Variants in MACROD2 observed in about 807,000 individuals in gnomAD.
The protein encoded by MACROD2 is ADP-ribose glycohydrolase MACROD2.
A neutral mutation model predicts 70.4 loss-of-function variants in MACROD2; 36 were observed. The ratio of observed to expected loss-of-function variants is 0.51; its 90% CI spans 0.39 to 0.68. MACROD2 has a LOEUF of 0.68. Among genes scored for constraint, MACROD2 ranks in the 30% least tolerant of loss-of-function variants. MACROD2 has a pLI of 0.00. For missense variants in MACROD2, 496 were observed against 538.4 expected, an observed-to-expected ratio of 0.92 and a Z score of 0.78; for synonymous variants, 172 against 178.8, an observed-to-expected ratio of 0.96 and a Z score of 0.30.
chr20:15,772,707 G>A (rs1412720334), intron 8 of MACROD2, among the ~76,000 whole-genome samples: 1 of 152,076 alleles, frequency 6.6e-6, no homozygotes, highest in African/African-American at 2.4e-5. Flanking sequence ...TGGCAAGAGA[G>A]AGAAGAAAGA....
At chr20:15,522,495 T>A (rs377579952) in intron 8 of MACROD2, among the ~76,000 whole-genome samples, 3 of 152,232 alleles carry the variant, frequency 2.0e-5, no homozygotes, top group African/African-American at 4.8e-5. Flanking sequence ...TGTGTGTATA[T>A]ACAAACAATA....
At position 16,046,221 on chromosome 20, in the gene MACROD2, T is replaced by C. The variant is rs2067379088; in HGVS notation, c.1300+1582T>C. On this transcript the variant is annotated intron_variant, in intron 17 of 17. Transcript: ENST00000684519. The stretch of plus-strand genomic sequence containing the variant: ...AAAGAGTACATGTCTTATTCCTGTA[T>C]GGTCTTGAATATCCTATAAAACTAA... Among the ~76,000 whole-genome samples, 3 of 152,322 alleles carry C rather than the reference T, an allele frequency of 2.0e-5. No individual in the cohort carries two copies. The South Asian group carries it at 6.2e-4, about 32-fold the overall frequency.
intron 4 of MACROD2, among the ~76,000 whole-genome samples, chr20:14,613,132 A>G (rs1983272242): frequency 2.6e-5 from 4 of 152,110 alleles, no homozygotes; most frequent in Admixed American, 1.3e-4. Context: ...AAACAGGGGT[A>G]TAGTGGAAAT....
intron 4 of MACROD2, among the ~76,000 whole-genome samples, chr20:14,606,964 A>G (rs1038390037): frequency 6.6e-6 from 1 of 152,218 alleles, no homozygotes; most frequent in Non-Finnish European, 1.5e-5. Context: ...CAAGGCACCC[A>G]TAGTCCTACA....
rs532076984 is a variant in MACROD2, at chr20:15,280,197, A to C, written c.540+50136A>C. Reference sequence around the variant, plus strand: ...CTGCCTTAGGGAAATAACAGCACAAATGCATAAAGATGGTTGGGTAAGAAT... The same window carrying C: ...CTGCCTTAGGGAAATAACAGCACAACTGCATAAAGATGGTTGGGTAAGAAT... On this transcript the variant is annotated intron_variant, in intron 6 of 17. Coordinates refer to ENST00000684519, the MANE Select transcript of MACROD2 (RefSeq NM_001351661.2). Among the ~76,000 whole-genome samples, 24 of 152,364 alleles carry C rather than the reference A, an allele frequency of 1.6e-4. No homozygotes were observed. In the South Asian group the frequency reaches 4.8e-3, roughly 30 times the overall value.
At chr20:14,201,121 A>G (rs2081476262) in intron 3 of MACROD2, among the ~76,000 whole-genome samples, 1 of 152,018 alleles carries the variant, frequency 6.6e-6, no homozygotes, top group East Asian at 1.9e-4. Flanking sequence ...TACTTGCACT[A>G]CAGATGTTTT....
intron 5 of MACROD2, among the ~76,000 whole-genome samples, chr20:14,992,751 T>C (rs1439491339): frequency 6.6e-6 from 1 of 152,200 alleles, no homozygotes; most frequent in Non-Finnish European, 1.5e-5. Context: ...TTTACACATT[T>C]AAAAGCTAAA....
chr20:15,721,297 T>A (rs1415083659), intron 8 of MACROD2, among the ~76,000 whole-genome samples: 3 of 152,204 alleles, frequency 2.0e-5, no homozygotes, highest in African/African-American at 4.8e-5. Flanking sequence ...TCAGAAGCAA[T>A]TGGCTTGTTA....
intron 5 of MACROD2, among the ~76,000 whole-genome samples, chr20:14,732,784 A>C (rs2071614605): frequency 6.6e-6 from 1 of 151,906 alleles, no homozygotes; most frequent in African/African-American, 2.4e-5. Flanking sequence ...CTCCCCCTTC[A>C]ATCTTTGATT....
intron 5 of MACROD2, among the ~76,000 whole-genome samples, chr20:15,221,908 A>G (rs183152305): frequency 1.4e-4 from 22 of 152,348 alleles, no homozygotes; most frequent in African/African-American, 5.3e-4. Flanking sequence ...TGCATTCTGT[A>G]TGCCTCTATC....
chr20:14,905,264 A>G (rs996725335), intron 5 of MACROD2: 2 of 152,182 alleles, frequency 1.3e-5, no homozygotes, highest in African/African-American at 2.4e-5. Flanking sequence ...ATTTCAAGAA[A>G]TGGATAGAGG....
rs1468140597 is a variant in MACROD2 at position 14,002,715 on chromosome 20, G to A, written c.163+311G>A. Among the ~76,000 whole-genome samples, 3 of 152,152 alleles carry A rather than the reference G, an allele frequency of 2.0e-5. No individual in the cohort carries two copies. The East Asian group carries it at 5.8e-4, about 29-fold the overall frequency. On this transcript the variant is annotated intron_variant, in intron 2 of 17. Coordinates refer to ENST00000684519, the MANE Select transcript of MACROD2 (RefSeq NM_001351661.2). ...ATTAGAGATTTGCTGCTTTGGTGGT[G>A]TGGCCCTTTGAGTTTGCTTTAAGTT...
At chr20:15,646,276 C>T (rs1204854296) in intron 8 of MACROD2, among the ~76,000 whole-genome samples, 1 of 152,170 alleles carries the variant, frequency 6.6e-6, no homozygotes, top group African/African-American at 2.4e-5. Context: ...TACAATATCA[C>T]CTTGTCACAA....
At chr20:15,591,120 TGGTCTGAACTA>T (rs2048673824) in intron 8 of MACROD2, among the ~76,000 whole-genome samples, 1 of 152,200 alleles carries the variant, frequency 6.6e-6, no homozygotes, top group African/African-American at 2.4e-5. Flanking sequence ...ATGGTCTTCA[TGGTCTGAACTA>T]GTAGTTCAGC....
chr20:15,101,549 G>A lies in MACROD2; in HGVS notation c.419-128391G>A, dbSNP rs868274337. On this transcript the variant is annotated intron_variant, in intron 5 of 17. Transcript: ENST00000684519. Reference sequence around the variant, plus strand: ...GGTGTTGGTTCAAAAAAAAAAAAAAGCATTCTGGAGTAATTGACAGCACTA... The same window carrying A: ...GGTGTTGGTTCAAAAAAAAAAAAAAACATTCTGGAGTAATTGACAGCACTA... Among the ~76,000 whole-genome samples the A allele has an allele frequency of 7.5e-3, 104 of 13,930 alleles. 1 individual carries two copies. Among genetic ancestry groups the A allele is most frequent in the Middle Eastern group, 0.042 (1 of 24 alleles). 9.1% of individuals were successfully genotyped at this position (13,930 alleles called of 152,430 possible). A position where few individuals can be genotyped will look rare whatever the true frequency, so the allele number is the denominator to read the frequency against.
At chr20:14,623,660 A>C (rs1399319700) in intron 4 of MACROD2, among the ~76,000 whole-genome samples, 1 of 152,172 alleles carries the variant, frequency 6.6e-6, no homozygotes, top group African/African-American at 2.4e-5. Flanking sequence ...CAAACAGATA[A>C]TAAAAATATT....
rs547938827 is a variant in MACROD2, at chr20:14,907,476, A to G, written c.418+222517A>G. On this transcript the variant is annotated intron_variant, in intron 5 of 17. Coordinates refer to ENST00000684519, the MANE Select transcript of MACROD2 (RefSeq NM_001351661.2). ...CTGCACTGTGTCAGTAAGTGATAGA[A>G]TAGAGCTCAGTATGTGGTCCAGGAG... Among the ~76,000 whole-genome samples, 7 of 152,330 alleles carry G rather than the reference A, an allele frequency of 4.6e-5. No homozygotes were observed. The South Asian group carries it at 1.5e-3, about 32-fold the overall frequency.
At chr20:15,135,115 A>G (rs893475693) in intron 5 of MACROD2, among the ~76,000 whole-genome samples, 5 of 152,014 alleles carry the variant, frequency 3.3e-5, no homozygotes, top group South Asian at 2.1e-4. Flanking sequence ...ATGGATTCAC[A>G]GCCGAATTCT....
intron 15 of MACROD2, among the ~76,000 whole-genome samples, chr20:15,994,354 G>C (rs1418436144): frequency 1.3e-5 from 2 of 152,034 alleles, no homozygotes; most frequent in South Asian, 2.1e-4. Context: ...GCTTATTAAA[G>C]TAAGACACAA....
Sources: allele counts gnomAD v4.1 joint callset (sites outside exome capture counted in the v4.1 genomes callset), GRCh38; gene constraint gnomAD v4.1.1; transcripts MANE v1.5; gene names NCBI Gene and HGNC (gene_info 2026-07-23, HGNC 2026-07-21).